Variants in TOM1 observed in about 807,000 individuals in gnomAD.
TOM1 encodes the protein target of myb1 membrane trafficking protein.
In TOM1, 38 loss-of-function variants were observed where a neutral mutation model predicts 61.3. The observed-to-expected ratio is 0.62, with a 90% CI of 0.48 to 0.81. The LOEUF (loss-of-function observed/expected upper bound fraction) is 0.81. TOM1 is among the 40% of genes least tolerant of loss of function. The pLI is 0.00. For synonymous variants in TOM1, 270 were observed against 268.8 expected (o/e 1.00, Z -0.04); for missense variants, 591 against 659.6 (o/e 0.90, Z 1.14).
At chr22:35,331,568 G>T (rs1258520032) in intron 8 of TOM1, 1 of 286,008 alleles carries the variant, frequency 3.5e-6, no homozygotes, top group Non-Finnish European at 7.0e-6. Context: ...TTCCTCTAAA[G>T]AGTACTTAGG....
intron 7 of TOM1, among the ~76,000 whole-genome samples, chr22:35,327,773 A>G (rs1601694822): frequency 6.6e-6 from 1 of 152,192 alleles, no homozygotes; most frequent in African/African-American, 2.4e-5. Flanking sequence ...TACACCATTC[A>G]GAATCCGAGA....
intron 1 of TOM1, among the ~76,000 whole-genome samples, chr22:35,308,291 C>CT (rs575857676): frequency 0.029 from 2,585 of 89,564 alleles, 118 homozygotes; most frequent in East Asian, 0.16. Flanking sequence ...TTTTTTTTTT[C>CT]TTTTTTTTTT....
rs750848373 is a variant in TOM1 at position 35,338,801 on chromosome 22, G to A, written c.1224+13G>A. 1.9e-6 allele frequency: 3 copies of A among 1,565,842 alleles called. No homozygotes were observed. Among genetic ancestry groups the A allele is most frequent in the Non-Finnish European group, 2.6e-6 (3 of 1,159,090 alleles). On this transcript the variant is annotated intron_variant, in intron 12 of 14. Coordinates refer to ENST00000449058, the MANE Select transcript of TOM1 (RefSeq NM_005488.3). ...GAGCACTGGCGCGGTAAGCAGAGGG[G>A]CCATCCTGCCACCCTGGGGCCCTCC... is the stretch of plus-strand genomic sequence containing the variant.
At position 35,347,267 on chromosome 22, in the gene TOM1, G is replaced by A; in HGVS notation, c.*58G>A. 2 of 1,510,180 alleles carry A rather than the reference G, an allele frequency of 1.3e-6. No individual in the cohort carries two copies. The highest frequency in any genetic ancestry group is 1.8e-6 in the Non-Finnish European group (2 of 1,124,496). The allele number at this position is 1,510,180 out of a possible 1,614,324, so 93.5% of individuals were successfully genotyped here. A position where few individuals can be genotyped will look rare whatever the true frequency, so the allele number is the denominator to read the frequency against. ...CCACTGCTCTCACACCCTTAGGCTG[G>A]GACCTCCCTCCCTCCTCTGGTGTTA... On this transcript the variant is annotated 3_prime_UTR_variant, in exon 15 of 15. Transcript: ENST00000449058.
At chr22:35,309,875 C>A (rs539711044) in intron 1 of TOM1, among the ~76,000 whole-genome samples, 25 of 152,290 alleles carry the variant, frequency 1.6e-4, no homozygotes, top group African/African-American at 5.5e-4. Context: ...AAACCTTCCC[C>A]AGGAGCCGCC....
At chr22:35,306,316 A>G (rs1038733079) in intron 1 of TOM1, among the ~76,000 whole-genome samples, 44 of 152,324 alleles carry the variant, frequency 2.9e-4, no homozygotes, top group African/African-American at 9.9e-4. Context: ...GTACCAGAGC[A>G]CCCACACTGG....
At chr22:35,313,118 G>T (rs959266170) in intron 1 of TOM1, among the ~76,000 whole-genome samples, 1 of 152,106 alleles carries the variant, frequency 6.6e-6, no homozygotes, top group South Asian at 2.1e-4. Context: ...AGGCCAAGGC[G>T]GGTGGATCAC....
intron 1 of TOM1, chr22:35,311,047 T>C (rs1926773388): frequency 6.6e-6 from 1 of 152,294 alleles, no homozygotes; most frequent in South Asian, 2.1e-4. Flanking sequence ...GCACATTTCT[T>C]CCTGGAAGAA....
chr22:35,300,042 G>A (rs1925584173), intron 1 of TOM1, 62 bp downstream of exon 1: 2 of 1,541,334 alleles, frequency 1.3e-6, no homozygotes, highest in East Asian at 2.5e-5. Context: ...TCGGTCCCCT[G>A]GGAAGCCTCC....
At chr22:35,331,734 A>G (rs1358732403) in intron 8 of TOM1, among the ~76,000 whole-genome samples, 1 of 152,110 alleles carries the variant, frequency 6.6e-6, no homozygotes, top group Non-Finnish European at 1.5e-5. Flanking sequence ...AAAATACAAA[A>G]AAATTAGCCG....
At chr22:35,302,160 G>A (rs1601657020) in intron 1 of TOM1, among the ~76,000 whole-genome samples, 1 of 152,176 alleles carries the variant, frequency 6.6e-6, no homozygotes, top group East Asian at 1.9e-4. Flanking sequence ...AATTTTGCAG[G>A]TAAAAGAGCC....
At chr22:35,339,958 C>T (rs1929740513) in intron 12 of TOM1, among the ~76,000 whole-genome samples, 1 of 152,006 alleles carries the variant, frequency 6.6e-6, no homozygotes, top group Non-Finnish European at 1.5e-5. Flanking sequence ...CGAGGGTGCT[C>T]TTTGAATTCC....
intron 6 of TOM1, among the ~76,000 whole-genome samples, chr22:35,325,086 T>C (rs1429664889): frequency 1.3e-5 from 2 of 152,230 alleles, no homozygotes; most frequent in Non-Finnish European, 2.9e-5. Context: ...TCTAGACTTT[T>C]GGCTGCTGGG....
At chr22:35,343,516 CCTA>C (rs1930171729) in intron 12 of TOM1, among the ~76,000 whole-genome samples, 1 of 144,206 alleles carries the variant, frequency 6.9e-6, no homozygotes, top group African/African-American at 2.6e-5. Context: ...CACTCATACA[CCTA>C]CACACACCAC....
In TOM1 at chr22:35,323,507, C is replaced by T. The variant is rs139858272; in HGVS notation, c.378C>T (p.Asp126=). ...TTGTCCCCTCTCAGTCCTGGGCTGA[C>T]GCGTTCCGCAGCTCGCCCGATCTGA... ...KVLNLIQSWA[D]AFRSSPDLTG... Residue 126 remains aspartate (D), a synonymous_variant, in exon 5 of 15, where the codon GAC becomes GAT. Transcript: ENST00000449058. The surrounding 1 kb of genome is among the most constrained non-coding windows in gnomAD (Gnocchi z 4.2). The T allele has an allele frequency of 1.7e-4, 277 of 1,614,002 alleles. No homozygotes were observed. The highest frequency in any genetic ancestry group is 6.7e-4 in the Admixed American group (40 of 60,010).
intron 10 of TOM1, 31 bp from the exon 11 acceptor site, chr22:35,334,297 G>T: frequency 6.3e-7 from 1 of 1,598,362 alleles, no homozygotes; most frequent in Non-Finnish European, 8.5e-7. Context: ...CTTGTGGATG[G>T]GTCTTTCACG....
intron 8 of TOM1, among the ~76,000 whole-genome samples, 186 bp from the exon 9 acceptor site, chr22:35,332,795 C>G: frequency 6.6e-6 from 1 of 152,160 alleles, no homozygotes; most frequent in East Asian, 1.9e-4. Flanking sequence ...GAAAGAGGAG[C>G]ACTGCTAGTT....
intron 1 of TOM1, among the ~76,000 whole-genome samples, chr22:35,306,935 C>A (rs1926375269): frequency 6.6e-6 from 1 of 152,172 alleles, no homozygotes; most frequent in South Asian, 2.1e-4. Flanking sequence ...AAGGCCTTTG[C>A]CTTCCCCTAT....
chr22:35,326,560 G>A (rs1189117776), intron 6 of TOM1, among the ~76,000 whole-genome samples: 2 of 152,240 alleles, frequency 1.3e-5, no homozygotes, highest in Non-Finnish European at 2.9e-5. Context: ...CCTTAGATGA[G>A]CCTGGGACAC....
Sources: gnomAD v4.1 joint callset for allele counts (sites outside exome capture counted in the v4.1 genomes callset) on GRCh38, gnomAD v4.1.1 for gene constraint, Gnocchi (gnomAD v3.1) non-coding constraint, MANE v1.5 for transcripts, NCBI Gene and HGNC (gene_info 2026-07-23, HGNC 2026-07-21) for gene names.